Variants in TP53BP1 observed in about 807,000 individuals in gnomAD.
TP53BP1 encodes the protein TP53-binding protein 1.
A neutral mutation model predicts 200.8 loss-of-function variants in TP53BP1; 61 were observed. That is an observed-to-expected ratio of 0.30 (90% CI 0.25 to 0.38). TP53BP1 has a LOEUF of 0.38. Among genes scored for constraint, TP53BP1 ranks in the 10% least tolerant of loss-of-function variants. The probability of loss-of-function intolerance (pLI) is 1.00; values close to 1 mark genes in which losing one functional copy is unlikely to be tolerated. For missense variants in TP53BP1, 2,144 were observed against 2,371.9 expected, an observed-to-expected ratio of 0.90 and a Z score of 2.00; for synonymous variants, 822 against 844.3, an observed-to-expected ratio of 0.97 and a Z score of 0.46.
In TP53BP1 at chr15:43,457,127, C is replaced by T. The variant is rs775228014; in HGVS notation, c.1481G>A (p.Cys494Tyr). 6.8e-6 allele frequency: 11 copies of T among 1,613,972 alleles called. No homozygotes were observed. Among genetic ancestry groups the T allele is most frequent in the Admixed American group, 1.7e-5 (1 of 59,996 alleles). ...TGGTTCAATCTCTGAAGTTTTAGAACACTCAACTGTCAAAGATGAACTATG... is the reference window on the plus strand; with the variant it reads ...TGGTTCAATCTCTGAAGTTTTAGAATACTCAACTGTCAAAGATGAACTATG... The part of the protein sequence containing the change: ...DMHSSSLTVE[C>Y]SKTSEIEPKN... The change falls in exon 12 of 28, where the codon TGT (cysteine) becomes TAT (tyrosine). Residue 494 changes from cysteine (C) to tyrosine (Y), a missense_variant. By Grantham distance (194) the Cys-to-Tyr change is radical. Transcript: ENST00000382044.
chr15:43,435,468 G>A (rs946182583), intron 16 of TP53BP1, among the ~76,000 whole-genome samples: 2 of 151,684 alleles, frequency 1.3e-5, no homozygotes, highest in African/African-American at 4.8e-5. Context: ...ATTTTAAAAC[G>A]CTTTAATAAA....
rs140772385 is a variant in TP53BP1, at chr15:43,436,781, G to A, written c.3191+1543C>T. Among the ~76,000 whole-genome samples, 1,006 of 151,884 alleles carry A rather than the reference G, an allele frequency of 6.6e-3. 12 individuals carry two copies. Among genetic ancestry groups the A allele is most frequent in the Non-Finnish European group, 0.013 (855 of 67,930 alleles). ...CAGGCGTGAGCCACCGTGGCCAGCC[G>A]CTTCCTTAATTATTTAAATAGAGAT... is the stretch of plus-strand genomic sequence containing the variant. On this transcript the variant is annotated intron_variant, in intron 16 of 27. Coordinates refer to ENST00000382044, the MANE Select transcript of TP53BP1 (RefSeq NM_001141980.3).
exon 1 of TP53BP1, chr15:43,510,558 A>T (rs530449674): frequency 5.7e-6 from 1 of 176,940 alleles, no homozygotes; most frequent in Admixed American, 6.2e-5. Context: ...ACACACAGAC[A>T]CAGATGGAGG....
Position 43,409,757 on chromosome 15 carries a change from AAAC to A in TP53BP1, c.5306-19_5306-17del. On this transcript the variant is annotated splice_polypyrimidine_tract_variant and intron_variant, in intron 24 of 27. Coordinates refer to ENST00000382044, the MANE Select transcript of TP53BP1 (RefSeq NM_001141980.3). ...TCCAAAAATTCTATATTAAAAAAAA[AAAC>A]CAAGATAATAATTACTGAGTGGTTT... 1 of 1,354,356 alleles carries A rather than the reference AAAC, an allele frequency of 7.4e-7. No individual in the cohort carries two copies. The highest frequency in any genetic ancestry group is 1.0e-6 in the Non-Finnish European group (1 of 986,328). 83.9% of individuals were successfully genotyped at this position (1,354,356 alleles called of 1,614,324 possible).
intron 4 of TP53BP1, among the ~76,000 whole-genome samples, chr15:43,483,306 G>A (rs772871899): frequency 3.1e-4 from 47 of 150,978 alleles, no homozygotes; most frequent in Non-Finnish European, 6.2e-4. Context: ...TCTTCTGTGG[G>A]CTTAAACTTT....
Position 43,475,591 on chromosome 15 carries a change from C to A in TP53BP1, c.1059G>T (p.Arg353Ser). ...TLHLLQLSGQ[R>S]SLVQDSLSTN... ...TGGAAAGACTGTCCTGAACAAGGGA[C>A]CTCTGACCAGAGAGCTGCAGGAGAT... The change falls in exon 9 of 28, where the codon AGG becomes AGT. Residue 353 changes from arginine (R) to serine (S), a missense_variant. This residue lies in a region of TP53BP1 where 1,700 missense variants were observed against 1,710.3 expected (regional missense o/e 0.99). Transcript: ENST00000382044. The A allele has an allele frequency of 6.2e-7, 1 of 1,614,080 alleles. No homozygotes were observed. The highest frequency in any genetic ancestry group is 8.5e-7 in the Non-Finnish European group (1 of 1,180,028).
chr15:43,413,156 CA>C lies in TP53BP1; in HGVS notation c.5267del (p.Leu1756ArgfsTer54). The C allele has an allele frequency of 6.2e-7, 1 of 1,614,168 alleles. No individual in the cohort carries two copies. Among genetic ancestry groups the C allele is most frequent in the Non-Finnish European group, 8.5e-7 (1 of 1,180,036 alleles). The stretch of plus-strand genomic sequence containing the variant: ...CACTGCTTCCTGTAGGACCATCTGG[CA>C]GTTTGGAGCGGCTGGCCAACTTGTC... Reference protein sequence around the residue: ...TSDKLASRSKLPDGPTGSSEE... With the variant: ...TSDKLASRSKXPDGPTGSSEE... On this transcript the variant is annotated frameshift_variant, in exon 24 of 28. Coordinates refer to ENST00000382044, the MANE Select transcript of TP53BP1 (RefSeq NM_001141980.3). LOFTEE classifies it high-confidence loss of function.
Position 43,406,536 on chromosome 15 carries a change from C to T in TP53BP1, c.*847G>A, listed in dbSNP as rs140975909. On this transcript the variant is annotated 3_prime_UTR_variant, in exon 28 of 28. Coordinates refer to ENST00000382044, the MANE Select transcript of TP53BP1 (RefSeq NM_001141980.3). ...TGCTTTCATGCCCTCACAGCAAAGG[C>T]GAGTAGTTGTGATGGATCAAATGGC... 10 of 453,842 alleles carry T rather than the reference C, an allele frequency of 2.2e-5. No individual in the cohort carries two copies. Among genetic ancestry groups the T allele is most frequent in the Admixed American group, 4.7e-5 (2 of 42,304 alleles). 28.1% of individuals were successfully genotyped at this position (453,842 alleles called of 1,614,324 possible).
In TP53BP1 at chr15:43,491,982, G is replaced by T; in HGVS notation, c.286+20C>A. On this transcript the variant is annotated intron_variant, in intron 3 of 27. Coordinates refer to ENST00000382044, the MANE Select transcript of TP53BP1 (RefSeq NM_001141980.3). Reference sequence around the variant, plus strand: ...GCACCCAAAAAATGCAAAGGGGACAGATAGCTTTAAACACCTCACCTGCAA... The same window carrying T: ...GCACCCAAAAAATGCAAAGGGGACATATAGCTTTAAACACCTCACCTGCAA... 6.3e-7 allele frequency: 1 copy of T among 1,587,062 alleles called. No individual in the cohort carries two copies. Among genetic ancestry groups the T allele is most frequent in the Non-Finnish European group, 8.7e-7 (1 of 1,155,592 alleles).
intron 4 of TP53BP1, among the ~76,000 whole-genome samples, chr15:43,486,789 A>G (rs2079053219): frequency 2.0e-5 from 3 of 152,000 alleles, no homozygotes; most frequent in African/African-American, 7.2e-5. Flanking sequence ...ATGCCCAGCT[A>G]ATTTTTTTGT....
chr15:43,444,124 A>T lies in TP53BP1; in HGVS notation c.3040+2263T>A, dbSNP rs898757523. ...TGAAATGATGTAAGTAACACTGAATACAGTCCTTGATACTATGCTCCTGGT... is the reference window on the plus strand; with the variant it reads ...TGAAATGATGTAAGTAACACTGAATTCAGTCCTTGATACTATGCTCCTGGT... On this transcript the variant is annotated intron_variant, in intron 14 of 27. Transcript: ENST00000382044. Among the ~76,000 whole-genome samples, 8 of 152,358 alleles carry T rather than the reference A, an allele frequency of 5.3e-5. 1 individual carries two copies. Among genetic ancestry groups the T allele is most frequent in the Admixed American group, 3.9e-4 (6 of 15,310 alleles).
At chr15:43,409,448 C>T in intron 25 of TP53BP1, 199 bp downstream of exon 25, 2 of 536,304 alleles carry the variant, frequency 3.7e-6, no homozygotes, top group Non-Finnish European at 6.6e-6. Context: ...TAGCCATTAA[C>T]TAACCCAAGG....
At chr15:43,471,568 A>G (rs2046726586) in intron 10 of TP53BP1, among the ~76,000 whole-genome samples, 2 of 152,066 alleles carry the variant, frequency 1.3e-5, no homozygotes, top group South Asian at 4.1e-4. Context: ...CTGGGATTAC[A>G]GGCACCCGCC....
Position 43,481,134 on chromosome 15 carries a change from T to C in TP53BP1, c.372-112A>G. 2.5e-6 allele frequency: 3 copies of C among 1,205,726 alleles called. No homozygotes were observed. In the South Asian group the frequency reaches 4.1e-5, roughly 16 times the overall value. The allele number at this position is 1,205,726 out of a possible 1,614,324, so 74.7% of individuals were successfully genotyped here. ...CATCTCTTAGCCAAACTTGAAAAAG[T>C]AAAATACCTCACCTTTATAGTGCTT... On this transcript the variant is annotated intron_variant, in intron 4 of 27. Coordinates refer to ENST00000382044, the MANE Select transcript of TP53BP1 (RefSeq NM_001141980.3).
intron 23 of TP53BP1, 102 bp downstream of exon 23, chr15:43,415,492 G>C (rs921508143): frequency 3.2e-6 from 4 of 1,263,798 alleles, no homozygotes. Flanking sequence ...TTTATAGCAG[G>C]ACAGAAGGGC....
rs1479958209 is a variant in TP53BP1, at chr15:43,406,251, CACTGA to C, written c.*1127_*1131del. The C allele has an allele frequency of 2.1e-5, 4 of 190,942 alleles. No individual in the cohort carries two copies. The highest frequency in any genetic ancestry group is 4.3e-5 in the Non-Finnish European group (4 of 92,076). 11.8% of individuals were successfully genotyped at this position (190,942 alleles called of 1,614,324 possible). A position where few individuals can be genotyped will look rare whatever the true frequency, so the allele number is the denominator to read the frequency against. On this transcript the variant is annotated 3_prime_UTR_variant, in exon 28 of 28. Coordinates refer to ENST00000382044, the MANE Select transcript of TP53BP1 (RefSeq NM_001141980.3). Reference sequence around the variant, plus strand: ...ATCAGTGTAAGTAAAAAGAAATATTCACTGAACAACGCCCTCCAAACTGAAAAAGA... The same window carrying C: ...ATCAGTGTAAGTAAAAAGAAATATTCACAACGCCCTCCAAACTGAAAAAGA...
Position 43,491,671 on chromosome 15 carries a change from G to C in TP53BP1, c.369C>G (p.Ser123Arg), listed in dbSNP as rs768701125. ...IEQLPQPNRT[S>R]SVLGMSVESA... is the part of the protein sequence containing the mutation. ...AAACCCCTTCAAACACTGTATACCT[G>C]CTTGTCCTGTTTGGCTGAGGTAACT... The change falls in exon 4 of 28, where the codon AGC (serine) becomes AGG (arginine). Residue 123 changes from serine to arginine, a missense_variant and splice_region_variant. Ser to Arg is a moderately radical substitution (Grantham distance 110). Coordinates refer to ENST00000382044, the MANE Select transcript of TP53BP1 (RefSeq NM_001141980.3). 1.9e-6 allele frequency: 3 copies of C among 1,610,858 alleles called. No homozygotes were observed. The highest frequency in any genetic ancestry group is 2.5e-6 in the Non-Finnish European group (3 of 1,177,094).
intron 18 of TP53BP1, among the ~76,000 whole-genome samples, chr15:43,422,663 A>T (rs1013348252): frequency 6.6e-6 from 1 of 152,194 alleles, no homozygotes; most frequent in African/African-American, 2.4e-5. Context: ...TTACCTTTCA[A>T]TAACTGATCA....
At chr15:43,434,021 C>T (rs2045733319) in intron 16 of TP53BP1, among the ~76,000 whole-genome samples, 1 of 152,124 alleles carries the variant, frequency 6.6e-6, no homozygotes, top group South Asian at 2.1e-4. Context: ...TTTAGCTCAG[C>T]CTACCAGAAC....
Sources: gnomAD v4.1 joint callset for allele counts (sites outside exome capture counted in the v4.1 genomes callset) on GRCh38, gnomAD v4.1.1 for gene constraint, gnomAD v4.1.1 regional missense constraint, MANE v1.5 for transcripts, NCBI Gene and HGNC (gene_info 2026-07-23, HGNC 2026-07-21) for gene names.